Variants in YPEL5 observed in about 807,000 individuals in gnomAD.
YPEL5 encodes protein yippee-like 5.
A neutral mutation model predicts 10.5 loss-of-function variants in YPEL5; 1 was observed. The observed-to-expected ratio is 0.10, with a 90% CI of 0.03 to 0.45. YPEL5 has a LOEUF of 0.45. Among genes scored for constraint, YPEL5 ranks in the 20% least tolerant of loss-of-function variants. The pLI, the probability that YPEL5 is intolerant of heterozygous loss-of-function variation, is 0.97. For missense variants in YPEL5, 68 were observed against 159.3 expected (o/e 0.43, Z 3.09); for synonymous variants, 61 against 56.6 (o/e 1.08, Z -0.35).
rs1408698964 is a variant in YPEL5 at position 30,158,307 on chromosome 2, C to T, written c.142-312C>T. Among the ~76,000 whole-genome samples the T allele has an allele frequency of 2.0e-5, 3 of 152,198 alleles. No individual in the cohort carries two copies. In the East Asian group the frequency reaches 5.8e-4, roughly 29 times the overall value. Reference sequence around the variant, plus strand: ...ATTACTACAACTGGACCCAAACCTACATTTTATGGCTCCAATTCCAGGACT... The same window carrying T: ...ATTACTACAACTGGACCCAAACCTATATTTTATGGCTCCAATTCCAGGACT... On this transcript the variant is annotated intron_variant, in intron 2 of 2. Coordinates refer to ENST00000261353, the MANE Select transcript of YPEL5 (RefSeq NM_016061.3).
Position 30,159,679 on chromosome 2 carries a change from T to C in YPEL5, c.*836T>C, listed in dbSNP as rs562206076. The C allele has an allele frequency of 6.6e-6, 1 of 152,356 alleles. No homozygotes were observed. The highest frequency in any genetic ancestry group is 1.9e-4 in the East Asian group (1 of 5,194). 9.4% of individuals were successfully genotyped at this position (152,356 alleles called of 1,614,324 possible). A position where few individuals can be genotyped will look rare whatever the true frequency, so the allele number is the denominator to read the frequency against. ...AATTGACCATGCATATAATATTCTT[T>C]GTTTAAATGAAAGCATACTGTTGAA... On this transcript the variant is annotated 3_prime_UTR_variant, in exon 3 of 3. Coordinates refer to ENST00000261353, the MANE Select transcript of YPEL5 (RefSeq NM_016061.3).
Position 30,158,916 on chromosome 2 carries a change from A to G in YPEL5, c.*73A>G. ...CAAAAATCTACTTACATACACTGTC[A>G]CCTTAGCATCAGAGTCGGATTAATG... On this transcript the variant is annotated 3_prime_UTR_variant, in exon 3 of 3. Transcript: ENST00000261353. The G allele has an allele frequency of 7.1e-7, 1 of 1,404,246 alleles. No homozygotes were observed. The highest frequency in any genetic ancestry group is 9.9e-7 in the Non-Finnish European group (1 of 1,009,040). The allele number at this position is 1,404,246 out of a possible 1,614,324, so 87.0% of individuals were successfully genotyped here. A position where few individuals can be genotyped will look rare whatever the true frequency, so the allele number is the denominator to read the frequency against.
intron 1 of YPEL5, among the ~76,000 whole-genome samples, chr2:30,154,365 CAAGGACCA>C (rs1017205165): frequency 6.4e-4 from 97 of 152,282 alleles, no homozygotes; most frequent in African/African-American, 2.2e-3. Flanking sequence ...AATATTGGTT[CAAGGACCA>C]AAGAGGTGAA....
chr2:30,150,221 G>A (rs1675718849), intron 1 of YPEL5, among the ~76,000 whole-genome samples: 2 of 152,212 alleles, frequency 1.3e-5, no homozygotes, highest in African/African-American at 4.8e-5. Context: ...TGTGAGCCAT[G>A]CTTTTCTCAT....
At chr2:30,154,229 C>G (rs771080545) in intron 1 of YPEL5, among the ~76,000 whole-genome samples, 3 of 152,220 alleles carry the variant, frequency 2.0e-5, no homozygotes, top group Non-Finnish European at 4.4e-5. Flanking sequence ...TATACCTCAA[C>G]GGCTGAGACT....
chr2:30,151,846 T>A (rs1239124409), intron 1 of YPEL5, among the ~76,000 whole-genome samples: 1 of 152,168 alleles, frequency 6.6e-6, no homozygotes, highest in Admixed American at 6.5e-5. Flanking sequence ...AGCTCACTCT[T>A]AAGATGTTTT....
At chr2:30,156,583 A>G (rs966191823) in intron 1 of YPEL5, 45 bp from the exon 2 acceptor site, 5 of 1,582,740 alleles carry the variant, frequency 3.2e-6, no homozygotes, top group African/African-American at 2.7e-5. Context: ...AGGTGCTAAC[A>G]TGATTATTAT....
At chr2:30,147,515 G>A (rs1404517146) in intron 1 of YPEL5, 3 of 135,368 alleles carry the variant, frequency 2.2e-5, no homozygotes, top group African/African-American at 5.4e-5. Flanking sequence ...GCCCCCACCC[G>A]TCGCATAGTC....
chr2:30,158,994 T>C lies in YPEL5; in HGVS notation c.*151T>C, dbSNP rs1676163208. On this transcript the variant is annotated 3_prime_UTR_variant, in exon 3 of 3. Transcript: ENST00000261353. ...CTAAGATGGAACCTTTCTTTCTTTC[T>C]TTCTTTTTTTTTAAATTTTGTATTT... The C allele has an allele frequency of 1.3e-6, 1 of 745,934 alleles. No homozygotes were observed. The highest frequency in any genetic ancestry group is 1.9e-5 in the South Asian group (1 of 51,804). 46.2% of individuals were successfully genotyped at this position (745,934 alleles called of 1,614,324 possible).
intron 2 of YPEL5, among the ~76,000 whole-genome samples, chr2:30,157,307 G>A (rs1321690634): frequency 6.6e-6 from 1 of 151,774 alleles, no homozygotes; most frequent in African/African-American, 2.4e-5. Context: ...GTATAAAGAA[G>A]TGTGATCTCT....
intron 1 of YPEL5, among the ~76,000 whole-genome samples, chr2:30,154,494 C>T (rs1393221622): frequency 6.6e-6 from 1 of 152,130 alleles, no homozygotes; most frequent in Admixed American, 6.5e-5. Context: ...TGTGCCCTCC[C>T]CATTGTTAAA....
At chr2:30,150,435 AT>A (rs1321912741) in intron 1 of YPEL5, among the ~76,000 whole-genome samples, 1 of 152,204 alleles carries the variant, frequency 6.6e-6, no homozygotes, top group Non-Finnish European at 1.5e-5. Context: ...TTCCAAAGCT[AT>A]TAAGGGGGAA....
chr2:30,154,185 T>TA (rs1401297333), intron 1 of YPEL5, among the ~76,000 whole-genome samples: 3 of 152,194 alleles, frequency 2.0e-5, no homozygotes, highest in African/African-American at 7.2e-5. Flanking sequence ...ACTGCACAAA[T>TA]ACTAGTCTTC....
intron 1 of YPEL5, among the ~76,000 whole-genome samples, chr2:30,154,896 G>A (rs1335406098): frequency 1.3e-5 from 2 of 152,082 alleles, no homozygotes; most frequent in African/African-American, 2.4e-5. Context: ...GCGCCACCAC[G>A]TCTGACTAAT....
intron 1 of YPEL5, among the ~76,000 whole-genome samples, chr2:30,153,811 A>G (rs773244348): frequency 5.9e-5 from 9 of 152,246 alleles, no homozygotes; most frequent in African/African-American, 4.8e-5. Context: ...TTTTGCTCAG[A>G]TATTTTTGGT....
In YPEL5 at chr2:30,158,912, T is replaced by A; in HGVS notation, c.*69T>A. ...AAAACAAAAATCTACTTACATACAC[T>A]GTCACCTTAGCATCAGAGTCGGATT... On this transcript the variant is annotated 3_prime_UTR_variant, in exon 3 of 3. Coordinates refer to ENST00000261353, the MANE Select transcript of YPEL5 (RefSeq NM_016061.3). The A allele has an allele frequency of 6.9e-7, 1 of 1,440,628 alleles. No individual in the cohort carries two copies. The highest frequency in any genetic ancestry group is 9.6e-7 in the Non-Finnish European group (1 of 1,038,102). 89.2% of individuals were successfully genotyped at this position (1,440,628 alleles called of 1,614,324 possible).
intron 1 of YPEL5, among the ~76,000 whole-genome samples, chr2:30,152,014 G>A (rs1232509609): frequency 6.6e-6 from 1 of 152,208 alleles, no homozygotes; most frequent in Non-Finnish European, 1.5e-5. Flanking sequence ...CCAGGCTGGT[G>A]TGTGGGAATT....
At chr2:30,148,972 C>G (rs1195203541) in intron 1 of YPEL5, among the ~76,000 whole-genome samples, 1 of 152,120 alleles carries the variant, frequency 6.6e-6, no homozygotes, top group Non-Finnish European at 1.5e-5. Flanking sequence ...CAGTGTAATG[C>G]AGGAACTGAA....
In YPEL5 at chr2:30,159,884, C is replaced by T. The variant is rs551819153; in HGVS notation, c.*1041C>T. On this transcript the variant is annotated 3_prime_UTR_variant, in exon 3 of 3. Transcript: ENST00000261353. ...GTTTTGCATTGATTTTTTGACAAGT[C>T]TGTAGAGCCTAATAGTTTCCATCAA... 6 of 152,658 alleles carry T rather than the reference C, an allele frequency of 3.9e-5. No homozygotes were observed. The highest frequency in any genetic ancestry group is 1.4e-4 in the African/African-American group (6 of 41,548). 9.5% of individuals were successfully genotyped at this position (152,658 alleles called of 1,614,324 possible).
Sources: gnomAD v4.1 joint callset for allele counts (sites outside exome capture counted in the v4.1 genomes callset) on GRCh38, gnomAD v4.1.1 for gene constraint, MANE v1.5 for transcripts, NCBI Gene and HGNC (gene_info 2026-07-23, HGNC 2026-07-21) for gene names.